EPRS1: variants seen among roughly 807,000 people sequenced by gnomAD.
The protein encoded by EPRS1 is bifunctional glutamate/proline--tRNA ligase.
In EPRS1, 107 loss-of-function variants were observed where a neutral mutation model predicts 188.3. The ratio of observed to expected loss-of-function variants is 0.57; its 90% CI spans 0.49 to 0.67. The LOEUF (loss-of-function observed/expected upper bound fraction) is 0.67. Among genes scored for constraint, EPRS1 ranks in the 30% least tolerant of loss-of-function variants. EPRS1 has a pLI of 0.00. For synonymous variants in EPRS1, 596 were observed against 593.1 expected (o/e 1.00, Z -0.07); for missense variants, 1,577 against 1,802.2 (o/e 0.88, Z 2.26).
At chr1:219,978,499 C>A in intron 28 of EPRS1, 47 bp downstream of exon 28, 2 of 1,417,976 alleles carry the variant, frequency 1.4e-6, no homozygotes, top group Non-Finnish European at 1.9e-6. Context: ...AAAATCTAAA[C>A]TCAAATTGCA....
At position 220,018,980 on chromosome 1, in the gene EPRS1, G is replaced by T; in HGVS notation, c.1434+15C>A. The T allele has an allele frequency of 6.3e-7, 1 of 1,579,126 alleles. No homozygotes were observed. The highest frequency in any genetic ancestry group is 8.7e-7 in the Non-Finnish European group (1 of 1,149,452). The stretch of plus-strand genomic sequence containing the variant: ...AATTTCAAACAGACAAGCTGGAAAA[G>T]AAACTGTAACGCACCTGAGCAGCAA... On this transcript the variant is annotated intron_variant, in intron 11 of 31. Coordinates refer to ENST00000366923, the MANE Select transcript of EPRS1 (RefSeq NM_004446.3).
Position 220,001,231 on chromosome 1 carries a change from C to G in EPRS1, c.2088G>C (p.Pro696=). 1 of 1,612,552 alleles carries G rather than the reference C, an allele frequency of 6.2e-7. No individual in the cohort carries two copies. Among genetic ancestry groups the G allele is most frequent in the South Asian group, 1.1e-5 (1 of 91,040 alleles). The stretch of plus-strand genomic sequence containing the variant: ...CATCAGGAATGTATATCAAAACACA[C>G]GGGGCTTCCTTGCAACTATATGGGC... ...PVSPYSCKEA[P]CVLIYIPDGH... is the part of the protein sequence containing the mutation. The change falls in exon 17 of 32, where the codon CCG becomes CCC. Residue 696 remains proline, a synonymous_variant. Coordinates refer to ENST00000366923, the MANE Select transcript of EPRS1 (RefSeq NM_004446.3).
intron 6 of EPRS1, among the ~76,000 whole-genome samples, chr1:220,027,896 AATCTT>A (rs1294477625): frequency 6.6e-6 from 1 of 151,964 alleles, no homozygotes; most frequent in Non-Finnish European, 1.5e-5. Flanking sequence ...TCCCAGATGA[AATCTT>A]AGATCAGAAA....
rs1352393391 is a variant in EPRS1 at position 219,987,184 on chromosome 1, G to C, written c.2996C>G (p.Ser999Ter). ...PSKNQGGGLS[S>*]SGAGEGQGPK... Reference sequence around the variant, plus strand: ...CCCCTGCCCTTCTCCTGCTCCACTTGATGAGAGCCCACCTCCTTGGTTTTT... The same window carrying C: ...CCCCTGCCCTTCTCCTGCTCCACTTCATGAGAGCCCACCTCCTTGGTTTTT... The change falls in exon 20 of 32, where the codon TCA (serine) becomes TGA (stop). Residue 999 changes from serine (S) to a stop codon, truncating the protein, a stop_gained. Coordinates refer to ENST00000366923, the MANE Select transcript of EPRS1 (RefSeq NM_004446.3). LOFTEE classifies it high-confidence loss of function. 6.2e-7 allele frequency: 1 copy of C among 1,613,878 alleles called. No homozygotes were observed. Among genetic ancestry groups the C allele is most frequent in the African/African-American group, 1.3e-5 (1 of 74,878 alleles).
chr1:220,033,780 C>T (rs905074524), intron 3 of EPRS1, 122 bp from the exon 4 acceptor site: 2 of 639,822 alleles, frequency 3.1e-6, no homozygotes, highest in Non-Finnish European at 5.4e-6. Flanking sequence ...TTTCCTTTCT[C>T]AAATTATACA....
At chr1:220,046,289 T>C in intron 1 of EPRS1, 54 bp downstream of exon 1, 1 of 1,611,096 alleles carries the variant, frequency 6.2e-7, no homozygotes, top group Non-Finnish European at 8.5e-7. Flanking sequence ...TTCCACGCCC[T>C]GCACCCTCCC....
chr1:219,981,402 C>T lies in EPRS1; in HGVS notation c.3429G>A (p.Lys1143=), dbSNP rs1011175473. Residue 1143 remains lysine, a synonymous_variant, in exon 24 of 32, where the codon AAG becomes AAA. Transcript: ENST00000366923. ...CCACCACATTGCACCACTGATTGAG[C>T]TTGATGGGCAGGTCTCTGTGTGACT... ...WVQSHRDLPI[K]LNQWCNVVRW... is the part of the protein sequence containing the mutation. The T allele has an allele frequency of 1.9e-6, 3 of 1,608,044 alleles. No homozygotes were observed. The highest frequency in any genetic ancestry group is 8.5e-7 in the Non-Finnish European group (1 of 1,176,590).
chr1:219,995,815 T>C (rs1027017826), intron 18 of EPRS1, among the ~76,000 whole-genome samples: 1 of 152,172 alleles, frequency 6.6e-6, no homozygotes, highest in Non-Finnish European at 1.5e-5. Flanking sequence ...CAGTGTTTCA[T>C]GTCAGATGCC....
At chr1:220,039,816 C>T (rs556364867) in intron 2 of EPRS1, among the ~76,000 whole-genome samples, 17 of 152,312 alleles carry the variant, frequency 1.1e-4, no homozygotes, top group African/African-American at 3.6e-4. Flanking sequence ...CCGCGCCCGG[C>T]GATGCCGAAT....
intron 28 of EPRS1, among the ~76,000 whole-genome samples, chr1:219,973,811 T>C (rs1013084867): frequency 6.6e-6 from 1 of 152,240 alleles, no homozygotes; most frequent in African/African-American, 2.4e-5. Context: ...TATTCTCTGG[T>C]TGAAAAGTCC....
chr1:220,032,886 G>GTA (rs1372800356), intron 4 of EPRS1, among the ~76,000 whole-genome samples: 1 of 151,832 alleles, frequency 6.6e-6, no homozygotes, highest in Non-Finnish European at 1.5e-5. Flanking sequence ...GTGTGTGTGT[G>GTA]TATGTATATA....
chr1:219,988,236 A>T (rs1661047444), intron 19 of EPRS1, among the ~76,000 whole-genome samples: 1 of 152,226 alleles, frequency 6.6e-6, no homozygotes, highest in African/African-American at 2.4e-5. Context: ...TTTAGGAGAA[A>T]GAATGAAAAA....
chr1:219,970,960 CAG>C (rs1304524639), intron 30 of EPRS1, among the ~76,000 whole-genome samples: 1 of 151,946 alleles, frequency 6.6e-6, no homozygotes, highest in African/African-American at 2.4e-5. Context: ...AAATGAAAGC[CAG>C]AGAGATTAAT....
rs557185393 is a variant in EPRS1 at position 219,994,563 on chromosome 1, C to T, written c.2541+2420G>A. 6.7e-5 allele frequency among the ~76,000 whole-genome samples: 10 copies of T among 148,990 alleles called. No individual in the cohort carries two copies. The South Asian group carries it at 1.9e-3, about 29-fold the overall frequency. On this transcript the variant is annotated intron_variant, in intron 18 of 31. Coordinates refer to ENST00000366923, the MANE Select transcript of EPRS1 (RefSeq NM_004446.3). ...AAAGAAAAAGAAAAAATGAAGACAA[C>T]AACAACAATAAAAAAACACAAGAAG...
At chr1:220,013,076 A>T (rs1661638584) in intron 12 of EPRS1, among the ~76,000 whole-genome samples, 1 of 152,216 alleles carries the variant, frequency 6.6e-6, no homozygotes, top group African/African-American at 2.4e-5. Flanking sequence ...TAAAGCAGTC[A>T]ATAAGGGTTC....
rs1382284636 is a variant in EPRS1, at chr1:219,980,205, A to G, written c.3591T>C (p.Tyr1197=). 6.2e-7 allele frequency: 1 copy of G among 1,613,300 alleles called. No homozygotes were observed. Among genetic ancestry groups the G allele is most frequent in the African/African-American group, 1.3e-5 (1 of 74,930 alleles). ...LQILDLYAQV[Y]EELLAIPVVK... is the part of the protein sequence containing the mutation. ...CAACAGGAATTGCCAGGAGTTCTTC[A>G]TATACCTGAGCATATAAGTCAAGTA... The change falls in exon 26 of 32, where the codon TAT becomes TAC. Residue 1197 remains tyrosine (Y), a synonymous_variant. Transcript: ENST00000366923.
intron 1 of EPRS1, among the ~76,000 whole-genome samples, chr1:220,040,913 T>G (rs1259108860): frequency 2.0e-5 from 3 of 151,518 alleles, no homozygotes; most frequent in Middle Eastern, 6.8e-3. Flanking sequence ...TGACCTTGGA[T>G]TTTTAAAAAA....
intron 5 of EPRS1, 29 bp downstream of exon 5, chr1:220,032,358 T>C (rs1421541572): frequency 6.4e-7 from 1 of 1,566,598 alleles, no homozygotes; most frequent in South Asian, 1.2e-5. Flanking sequence ...AGTGTTTTTT[T>C]TTTTAAAAAA....
chr1:219,971,012 T>C (rs1660655273), intron 30 of EPRS1, among the ~76,000 whole-genome samples: 2 of 152,112 alleles, frequency 1.3e-5, no homozygotes, highest in Non-Finnish European at 2.9e-5. Flanking sequence ...TAATACGTTA[T>C]GACCATAAAA....
Sources: gnomAD v4.1 joint callset for allele counts (sites outside exome capture counted in the v4.1 genomes callset) on GRCh38, gnomAD v4.1.1 for gene constraint, MANE v1.5 for transcripts, NCBI Gene and HGNC (gene_info 2026-07-23, HGNC 2026-07-21) for gene names.